KCNIP4: variants seen among roughly 807,000 people sequenced by gnomAD.
The protein encoded by KCNIP4 is potassium voltage-gated channel interacting protein 4, also known as Kv channel-interacting protein 4.
KCNIP4 carries 12 observed loss-of-function variants against 34.0 expected under a neutral mutation model. The ratio of observed to expected loss-of-function variants is 0.35; its 90% CI spans 0.23 to 0.57. The LOEUF (loss-of-function observed/expected upper bound fraction) is 0.57. Among genes scored for constraint, KCNIP4 ranks in the 20% least tolerant of loss-of-function variants. The pLI is 0.83. For missense variants in KCNIP4, 238 were observed against 311.7 expected (o/e 0.76, Z 1.78); for synonymous variants, 124 against 102.2 (o/e 1.21, Z -1.29).
chr4:21,745,102 G>A (rs1026273379), intron 1 of KCNIP4, among the ~76,000 whole-genome samples: 4 of 152,064 alleles, frequency 2.6e-5, no homozygotes, highest in African/African-American at 4.8e-5. Context: ...ATAGAGCTAT[G>A]GAAAAGACAG....
chr4:21,899,974 T>TA (rs35793169), intron 1 of KCNIP4, among the ~76,000 whole-genome samples: 22,166 of 148,536 alleles, frequency 0.15, 1,950 homozygotes, highest in Non-Finnish European at 0.2. Context: ...AAATGAAAAT[T>TA]AAAAAAAAAA....
intron 1 of KCNIP4, among the ~76,000 whole-genome samples, chr4:20,905,688 T>C (rs78379170): frequency 1.2e-3 from 172 of 147,658 alleles, no homozygotes; most frequent in Admixed American, 1.3e-3. Context: ...AGTTTTGAAA[T>C]TTTTTTTTTT....
intron 1 of KCNIP4, among the ~76,000 whole-genome samples, chr4:21,734,795 T>C (rs182806075): frequency 1.3e-5 from 2 of 152,302 alleles, no homozygotes. Context: ...CGAGATATTT[T>C]CTATAGAAAT....
At chr4:21,048,884 GGAGA>G (rs143374842) in intron 1 of KCNIP4, among the ~76,000 whole-genome samples, 10 of 147,912 alleles carry the variant, frequency 6.8e-5, no homozygotes, top group South Asian at 4.3e-4. Context: ...GATGCTGCAT[GGAGA>G]GAGAGAGAGA....
At chr4:21,083,039 G>T (rs1746137694) in intron 1 of KCNIP4, among the ~76,000 whole-genome samples, 1 of 151,656 alleles carries the variant, frequency 6.6e-6, no homozygotes, top group South Asian at 2.1e-4. Flanking sequence ...TGTTTAAGTG[G>T]GGTTTGGATG....
At chr4:21,400,000 T>C (rs200304491) in intron 1 of KCNIP4, among the ~76,000 whole-genome samples, 44 of 152,220 alleles carry the variant, frequency 2.9e-4, no homozygotes, top group East Asian at 5.8e-4. Context: ...TACAGTGTCA[T>C]AGAGAAAAGG....
intron 1 of KCNIP4, among the ~76,000 whole-genome samples, chr4:21,583,244 T>C (rs866642804): frequency 1.3e-5 from 2 of 152,146 alleles, no homozygotes; most frequent in East Asian, 1.9e-4. Flanking sequence ...CCAAGGATTT[T>C]AGCATCTGAT....
intron 1 of KCNIP4, among the ~76,000 whole-genome samples, chr4:21,533,939 C>G (rs192540447): frequency 5.3e-5 from 8 of 152,210 alleles, no homozygotes; most frequent in Admixed American, 1.3e-4. Context: ...TTTACAGAAA[C>G]TGAAAAAGCC....
At position 21,243,095 on chromosome 4, in the gene KCNIP4, A is replaced by T. The variant is rs865885706; in HGVS notation, c.62-360386T>A. 1.4e-4 allele frequency among the ~76,000 whole-genome samples: 21 copies of T among 152,262 alleles called. No homozygotes were observed. The South Asian group carries it at 2.1e-3, about 15-fold the overall frequency. On this transcript the variant is annotated intron_variant, in intron 1 of 8. Transcript: ENST00000382152. The stretch of plus-strand genomic sequence containing the variant: ...CATTATCAATATCAGATTTATAGAT[A>T]TTATTCTTAATAAAGTTATAATTTC...
chr4:21,872,967 T>G (rs1006858938), intron 1 of KCNIP4, among the ~76,000 whole-genome samples: 1 of 152,198 alleles, frequency 6.6e-6, no homozygotes, highest in African/African-American at 2.4e-5. Context: ...AACCTAATCA[T>G]TCATGATTTC....
chr4:21,255,304 T>C (rs1760989892), intron 1 of KCNIP4, among the ~76,000 whole-genome samples: 1 of 152,124 alleles, frequency 6.6e-6, no homozygotes, highest in Middle Eastern at 3.2e-3. Context: ...TTCCAAGTAA[T>C]AACAGCTAAG....
At chr4:21,729,874 T>A (rs908300497) in intron 1 of KCNIP4, 38 of 152,340 alleles carry the variant, frequency 2.5e-4, no homozygotes, top group Middle Eastern at 3.4e-3. Flanking sequence ...AAGTATTTAA[T>A]GCATAAAGTT....
chr4:21,912,301 T>C (rs576205022), intron 1 of KCNIP4, among the ~76,000 whole-genome samples: 2 of 152,328 alleles, frequency 1.3e-5, no homozygotes, highest in Non-Finnish European at 2.9e-5. Context: ...ATCTGACTGA[T>C]GTTTTTAGCA....
At chr4:21,676,985 G>GAA (rs35394005) in intron 1 of KCNIP4, among the ~76,000 whole-genome samples, 5 of 141,528 alleles carry the variant, frequency 3.5e-5, no homozygotes, top group Non-Finnish European at 6.2e-5. Context: ...ATATGTTCCA[G>GAA]AAAAAAAAAA....
At position 21,115,316 on chromosome 4, in the gene KCNIP4, T is replaced by C. The variant is rs75133737; in HGVS notation, c.62-232607A>G. On this transcript the variant is annotated intron_variant, in intron 1 of 8. Coordinates refer to ENST00000382152, the MANE Select transcript of KCNIP4 (RefSeq NM_025221.6). Reference sequence around the variant, plus strand: ...ATGTAGCTTACATTTGTATTTCACCTAAAGTAAACCATTATCTATTAAGGT... The same window carrying C: ...ATGTAGCTTACATTTGTATTTCACCCAAAGTAAACCATTATCTATTAAGGT... Among the ~76,000 whole-genome samples, 267 of 152,314 alleles carry C rather than the reference T, an allele frequency of 1.8e-3. 1 individual carries two copies. Among genetic ancestry groups the C allele is most frequent in the African/African-American group, 6.0e-3 (248 of 41,576 alleles).
intron 3 of KCNIP4, among the ~76,000 whole-genome samples, chr4:20,767,816 C>T (rs981705194): frequency 2.6e-5 from 4 of 152,024 alleles, no homozygotes; most frequent in African/African-American, 9.7e-5. Flanking sequence ...TACAGTAAGA[C>T]ATTTCATAGG....
rs1759491553 is a variant in KCNIP4 at position 21,237,916 on chromosome 4, G to A, written c.62-355207C>T. Among the ~76,000 whole-genome samples, 2 of 152,202 alleles carry A rather than the reference G, an allele frequency of 1.3e-5. 1 individual carries two copies. Among genetic ancestry groups the A allele is most frequent in the South Asian group, 4.2e-4 (2 of 4,816 alleles). On this transcript the variant is annotated intron_variant, in intron 1 of 8. Transcript: ENST00000382152. The stretch of plus-strand genomic sequence containing the variant: ...CATCCTGATACCAAAGCCTGGCAGA[G>A]ATACAACAAAAAAATAGAATTTTAG...
At chr4:21,396,578 G>A (rs1723031079) in intron 1 of KCNIP4, among the ~76,000 whole-genome samples, 1 of 111,924 alleles carries the variant, frequency 8.9e-6, no homozygotes. Flanking sequence ...AGAGGATTCT[G>A]ATATTTAAAG....
Position 21,902,635 on chromosome 4 carries a change from A to C in KCNIP4, c.61+45936T>G, listed in dbSNP as rs568119147. Among the ~76,000 whole-genome samples the C allele has an allele frequency of 2.1e-3, 321 of 152,204 alleles. 5 individuals carry two copies. The highest frequency in any genetic ancestry group is 6.8e-3 in the Middle Eastern group (2 of 294). Reference sequence around the variant, plus strand: ...GAGGCTATGACACAGGACTGGTAGCATGAGAAGCTCTGAGAGATCATTTGG... The same window carrying C: ...GAGGCTATGACACAGGACTGGTAGCCTGAGAAGCTCTGAGAGATCATTTGG... On this transcript the variant is annotated intron_variant, in intron 1 of 8. Coordinates refer to ENST00000382152, the MANE Select transcript of KCNIP4 (RefSeq NM_025221.6).
Sources: gnomAD v4.1 joint callset for allele counts (sites outside exome capture counted in the v4.1 genomes callset) on GRCh38, gnomAD v4.1.1 for gene constraint, MANE v1.5 for transcripts, NCBI Gene and HGNC (gene_info 2026-07-23, HGNC 2026-07-21) for gene names.